RALGDS: variants seen among roughly 807,000 people sequenced by gnomAD.
The protein encoded by RALGDS is ral guanine nucleotide dissociation stimulator, also known as ral guanine nucleotide exchange factor.
RALGDS carries 44 observed loss-of-function variants against 99.8 expected under a neutral mutation model. The observed-to-expected ratio is 0.44, with a 90% confidence interval of 0.35 to 0.57. The LOEUF (loss-of-function observed/expected upper bound fraction) is 0.57, where lower values mean the gene tolerates loss of function less well. Ranked by LOEUF, RALGDS falls within the 20% of genes least tolerant of loss-of-function variation. The pLI is 0.01. For missense variants in RALGDS, 1,022 were observed against 1,203.1 expected (o/e 0.85, Z 2.23); for synonymous variants, 529 against 505.0 (o/e 1.05, Z -0.64).
At chr9:133,129,498 T>C (rs1832268867) in intron 1 of RALGDS, 2 of 1,344,246 alleles carry the variant, frequency 1.5e-6, no homozygotes, top group Admixed American at 3.5e-5. Flanking sequence ...TACCAGGCCA[T>C]GGGCCAGCCG....
intron 14 of RALGDS, 47 bp downstream of exon 14, chr9:133,102,429 C>G: frequency 6.3e-7 from 1 of 1,578,750 alleles, no homozygotes; most frequent in South Asian, 1.1e-5. Context: ...CCTGAAGCTT[C>G]TGAGCCCCAA....
upstream of RALGDS, among the ~76,000 whole-genome samples, chr9:133,122,833 G>T (rs1457171996): frequency 6.6e-6 from 1 of 152,068 alleles, no homozygotes; most frequent in Non-Finnish European, 1.5e-5. Flanking sequence ...GCCTCTCGAG[G>T]AGCTGGGATT....
rs750140547 is a variant in RALGDS at position 133,108,118 on chromosome 9, G to C, written c.1067C>G (p.Ala356Gly). Residue 356 changes from alanine to glycine, a missense_variant, in exon 6 of 18, where the codon GCA (alanine) becomes GGA (glycine). By Grantham distance (60) the Ala-to-Gly change is moderately conservative. Around this residue, in one of 3 missense-constraint regions of RALGDS, gnomAD observed 825 missense variants for 994.5 expected, o/e 0.83. Transcript: ENST00000372050. ...SQTLELEPAP[A>G]PVPSLQPSWP... ...GGAAGGCTGTAATGATGGAACTGGT[G>C]CTGGAGCTGGCTCCAGCTCTAGAGT... The C allele has an allele frequency of 1.1e-5, 17 of 1,611,226 alleles. No homozygotes were observed. The highest frequency in any genetic ancestry group is 1.0e-4 in the Admixed American group (6 of 59,866).
intron 9 of RALGDS, chr9:133,104,719 G>A (rs188317512): frequency 5.2e-5 from 12 of 230,712 alleles, no homozygotes; most frequent in African/African-American, 2.5e-4. Flanking sequence ...AGCTGAGGCA[G>A]GAGAATCCCT....
chr9:133,116,134 G>A (rs1236203450), intron 1 of RALGDS, among the ~76,000 whole-genome samples: 2 of 30,110 alleles, frequency 6.6e-5, no homozygotes, highest in Admixed American at 4.5e-4. Flanking sequence ...CAAGGGCCTC[G>A]TGTCCGTGTC....
intron 15 of RALGDS, 43 bp from the exon 16 acceptor site, chr9:133,101,805 G>A: frequency 6.4e-7 from 1 of 1,565,808 alleles, no homozygotes; most frequent in Non-Finnish European, 8.7e-7. Flanking sequence ...TGCCCTGTGG[G>A]GGCACCCCAG....
rs1831800616 is a variant in RALGDS, at chr9:133,119,524, G to A, written c.183+1448C>T. ...GACCCCCAGGCAGGGGTGGGGCTCA[G>A]CTCTGCCTCTCCCTCAGTTCCTCAG... On this transcript the variant is annotated intron_variant, in intron 1 of 17. Transcript: ENST00000372050. Among the ~76,000 whole-genome samples the A allele has an allele frequency of 1.3e-5, 2 of 152,182 alleles. 1 individual carries two copies. The highest frequency in any genetic ancestry group is 4.1e-4 in the South Asian group (2 of 4,832).
At chr9:133,115,400 C>T (rs561074066) in intron 1 of RALGDS, among the ~76,000 whole-genome samples, 3 of 152,190 alleles carry the variant, frequency 2.0e-5, no homozygotes, top group East Asian at 3.9e-4. Context: ...GAAAGGCTCA[C>T]GGCAGAGCCT....
At chr9:133,137,529 C>T (rs1048684602) in intron 1 of RALGDS, among the ~76,000 whole-genome samples, 3 of 151,626 alleles carry the variant, frequency 2.0e-5, no homozygotes, top group Admixed American at 6.6e-5. Context: ...CAGGGAAGGG[C>T]GGGGCGCCTC....
At position 133,101,496 on chromosome 9, in the gene RALGDS, C is replaced by T. The variant is rs748230834; in HGVS notation, c.2454+24G>A. The T allele has an allele frequency of 8.7e-6, 14 of 1,610,214 alleles. No individual in the cohort carries two copies. In the South Asian group the frequency reaches 1.4e-4, roughly 16 times the overall value. ...CATTTGCCGCCAGTGGAGGGAGGCA[C>T]CCAGGCCACCCCCGCCGGCTTACCA... On this transcript the variant is annotated intron_variant, in intron 16 of 17. Transcript: ENST00000372050.
intron 3 of RALGDS, 125 bp downstream of exon 3, chr9:133,110,171 G>A (rs1831274087): frequency 9.5e-7 from 1 of 1,052,986 alleles, no homozygotes; most frequent in Admixed American, 2.1e-5. Context: ...TAGCACTCCA[G>A]TTTCTCTTTC....
Position 133,108,844 on chromosome 9 carries a change from T to A in RALGDS, c.607A>T (p.Thr203Ser). 6.2e-7 allele frequency: 1 copy of A among 1,612,766 alleles called. No individual in the cohort carries two copies. The highest frequency in any genetic ancestry group is 8.5e-7 in the Non-Finnish European group (1 of 1,179,756). Residue 203 changes from threonine to serine, a missense_variant, in exon 5 of 18, where the codon ACC becomes TCC. Physicochemically the swap from Thr to Ser is moderately conservative, Grantham distance 58 (BLOSUM62 1). Transcript: ENST00000372050. Reference sequence around the variant, plus strand: ...TCCTCCGAGTACTGGTCCAGCCAGGTGCCCAGGATGGAGGAGATGGCACTG... The same window carrying A: ...TCCTCCGAGTACTGGTCCAGCCAGGAGCCCAGGATGGAGGAGATGGCACTG... Reference protein sequence around the residue: ...LKNAISSILGTWLDQYSEDFC... With the variant: ...LKNAISSILGSWLDQYSEDFC...
At chr9:133,107,343 C>A in intron 6 of RALGDS, 43 bp from the exon 7 acceptor site, 1 of 1,530,444 alleles carries the variant, frequency 6.5e-7, no homozygotes. Flanking sequence ...CCCCAGCAGT[C>A]TGGGCTGGTG....
At chr9:133,148,068 C>T (rs574003944) in intron 1 of RALGDS, among the ~76,000 whole-genome samples, 5 of 152,296 alleles carry the variant, frequency 3.3e-5, no homozygotes, top group African/African-American at 1.2e-4. Flanking sequence ...CCCGGCTTCT[C>T]TTGCTCAGAA....
chr9:133,111,920 T>TG (rs1831362083), intron 2 of RALGDS, 122 bp downstream of exon 2: 1 of 757,416 alleles, frequency 1.3e-6, no homozygotes, highest in Non-Finnish European at 2.3e-6. Flanking sequence ...GGCTGGACAG[T>TG]GGGGGTCGGG....
rs773706774 is a variant in RALGDS, at chr9:133,107,072, T to G, written c.1413+13A>C. 7 of 1,612,906 alleles carry G rather than the reference T, an allele frequency of 4.3e-6. No homozygotes were observed. Among genetic ancestry groups the G allele is most frequent in the Non-Finnish European group, 5.9e-6 (7 of 1,179,782 alleles). On this transcript the variant is annotated intron_variant, in intron 7 of 17. Coordinates refer to ENST00000372050, the MANE Select transcript of RALGDS (RefSeq NM_006266.4). The stretch of plus-strand genomic sequence containing the variant: ...AAGCCAAAGTGGGGGCCCAGGCCCC[T>G]CCTCTGGCATACCCTGGCCACCTCG...
At chr9:133,105,813 C>T (rs1197423469) in intron 9 of RALGDS, 119 bp downstream of exon 9, 1 of 400,128 alleles carries the variant, frequency 2.5e-6, no homozygotes, top group Non-Finnish European at 4.4e-6. Context: ...AATGCCACCG[C>T]CCGCCGCCCC....
At chr9:133,139,722 G>C (rs1209789746) in intron 1 of RALGDS, among the ~76,000 whole-genome samples, 4 of 152,304 alleles carry the variant, frequency 2.6e-5, no homozygotes, top group Non-Finnish European at 5.9e-5. Context: ...CCCACACCCT[G>C]GCTCCCCAAG....
exon 1 of RALGDS, chr9:133,149,081 C>A: frequency 1.1e-6 from 1 of 890,036 alleles, no homozygotes; most frequent in Non-Finnish European, 1.4e-6. Context: ...CGCCCGGCTG[C>A]GGGGCTCATG....
Sources: allele counts gnomAD v4.1 joint callset (sites outside exome capture counted in the v4.1 genomes callset), GRCh38; gene constraint gnomAD v4.1.1; regional missense constraint gnomAD v4.1.1; transcripts MANE v1.5; gene names NCBI Gene and HGNC (gene_info 2026-07-23, HGNC 2026-07-21).